RBFOX1: variants seen among roughly 807,000 people sequenced by gnomAD.
The protein encoded by RBFOX1 is RNA binding protein fox-1 homolog 1.
RBFOX1 carries 8 observed loss-of-function variants against 57.7 expected under a neutral mutation model. The observed-to-expected ratio is 0.14, with a 90% CI of 0.08 to 0.25. RBFOX1 has a LOEUF of 0.25. Ranked by LOEUF, RBFOX1 falls within the 10% of genes least tolerant of loss-of-function variation. RBFOX1 has a pLI of 1.00. For synonymous variants in RBFOX1, 326 were observed against 222.4 expected (o/e 1.47, Z -4.15); for missense variants, 611 against 548.5 (o/e 1.11, Z -1.14).
chr16:6,683,300 C>T (rs2058947052), intron 3 of RBFOX1, among the ~76,000 whole-genome samples: 1 of 152,048 alleles, frequency 6.6e-6, no homozygotes, highest in Non-Finnish European at 1.5e-5. Flanking sequence ...ACCCTTGAGA[C>T]CTTTAAATAC....
intron 2 of RBFOX1, among the ~76,000 whole-genome samples, chr16:5,496,737 G>C (rs1328777064): frequency 6.6e-6 from 1 of 152,138 alleles, no homozygotes; most frequent in Non-Finnish European, 1.5e-5. Flanking sequence ...CTTGGCTTTT[G>C]TTACATCTTT....
intron 4 of RBFOX1, among the ~76,000 whole-genome samples, chr16:7,234,064 C>G (rs530056108): frequency 1.3e-5 from 2 of 152,122 alleles, no homozygotes; most frequent in Non-Finnish European, 2.9e-5. Flanking sequence ...AGAGGGGTTG[C>G]ATGGAAATTA....
chr16:6,813,301 C>G (rs111601516), intron 3 of RBFOX1, among the ~76,000 whole-genome samples: 1 of 152,182 alleles, frequency 6.6e-6, no homozygotes, highest in Non-Finnish European at 1.5e-5. Flanking sequence ...TTCCATGAAA[C>G]AACCCTCTTC....
At position 6,977,938 on chromosome 16, in the gene RBFOX1, A is replaced by G. The variant is rs61288001; in HGVS notation, c.-15-74119A>G. Among the ~76,000 whole-genome samples the G allele has an allele frequency of 7.8e-3, 366 of 47,180 alleles. 5 individuals carry two copies. The highest frequency in any genetic ancestry group is 0.047 in the Admixed American group (287 of 6,092). 31.0% of individuals were successfully genotyped at this position (47,180 alleles called of 152,430 possible). ...ACTGCCTCTTCCAGCCTCCCCAGGG[A>G]AAAAAAAAAAAAAGGCAAACCTCCT... is the stretch of plus-strand genomic sequence containing the variant. On this transcript the variant is annotated intron_variant, in intron 3 of 15. Coordinates refer to ENST00000550418, the MANE Select transcript of RBFOX1 (RefSeq NM_018723.4).
intron 2 of RBFOX1, among the ~76,000 whole-genome samples, chr16:6,626,664 G>A (rs997968483): frequency 1.3e-5 from 2 of 152,148 alleles, no homozygotes; most frequent in Non-Finnish European, 2.9e-5. Flanking sequence ...GGAGGCTGAG[G>A]CAGGAGAATT....
intron 2 of RBFOX1, among the ~76,000 whole-genome samples, chr16:6,575,040 TTAAAA>T (rs2097408938): frequency 4.8e-5 from 1 of 20,634 alleles, no homozygotes; most frequent in South Asian, 7.8e-3. Flanking sequence ...TCCGTCTCAA[TTAAAA>T]AAAAAAAAAA....
chr16:5,468,428 A>G (rs377163637), intron 2 of RBFOX1, among the ~76,000 whole-genome samples: 3 of 152,154 alleles, frequency 2.0e-5, no homozygotes, highest in Non-Finnish European at 2.9e-5. Context: ...AGTTTTTCAC[A>G]TAAGTGGAAT....
At chr16:7,627,543 A>G (rs1036913139) in intron 10 of RBFOX1, among the ~76,000 whole-genome samples, 10 of 152,184 alleles carry the variant, frequency 6.6e-5, no homozygotes, top group African/African-American at 2.4e-4. Context: ...AAGGCTAGGG[A>G]CAGATAGAAG....
intron 3 of RBFOX1, among the ~76,000 whole-genome samples, chr16:7,026,133 C>G (rs553489371): frequency 1.3e-5 from 2 of 152,118 alleles, no homozygotes; most frequent in African/African-American, 4.8e-5. Context: ...AAATGGCAGC[C>G]AGAAGGCCTC....
At chr16:6,289,596 C>T (rs1346283832) in intron 1 of RBFOX1, among the ~76,000 whole-genome samples, 1 of 152,060 alleles carries the variant, frequency 6.6e-6, no homozygotes, top group Non-Finnish European at 1.5e-5. Flanking sequence ...GTCTTTCCGT[C>T]CTCTAGCTGT....
intron 1 of RBFOX1, among the ~76,000 whole-genome samples, chr16:6,273,340 GTTT>G (rs544640090): frequency 1.1e-5 from 1 of 89,882 alleles, no homozygotes; most frequent in African/African-American, 4.8e-5. Flanking sequence ...GTTGTTGTTG[GTTT>G]TTTTTTTTTT....
chr16:7,455,673 G>C (rs541587460), intron 4 of RBFOX1, among the ~76,000 whole-genome samples: 69 of 151,100 alleles, frequency 4.6e-4, no homozygotes, highest in African/African-American at 1.5e-3. Context: ...TGTAGTCCCA[G>C]CTACTCAGGA....
Position 6,611,014 on chromosome 16 carries a change from C to G in RBFOX1, c.-63-43589C>G, listed in dbSNP as rs188912634. ...GCTGGAGCACAGATATACTTAATAC[C>G]AAATTAGAAGAAAGTGTATGTTATT... On this transcript the variant is annotated intron_variant, in intron 2 of 15. Transcript: ENST00000550418. Among the ~76,000 whole-genome samples, 38 of 152,190 alleles carry G rather than the reference C, an allele frequency of 2.5e-4. No homozygotes were observed. The East Asian group carries it at 7.1e-3, about 29-fold the overall frequency.
intron 4 of RBFOX1, among the ~76,000 whole-genome samples, chr16:7,454,548 C>A (rs1408840170): frequency 6.6e-6 from 1 of 152,158 alleles, no homozygotes; most frequent in Non-Finnish European, 1.5e-5. Flanking sequence ...AAAGTGTAAA[C>A]TGAAGCCACC....
chr16:6,890,639 C>T (rs1401843582), intron 3 of RBFOX1, among the ~76,000 whole-genome samples: 1 of 152,184 alleles, frequency 6.6e-6, no homozygotes, highest in Non-Finnish European at 1.5e-5. Flanking sequence ...TTGTAACAGT[C>T]TTTCCTTCCT....
chr16:6,680,084 C>G (rs539907036), intron 3 of RBFOX1, among the ~76,000 whole-genome samples: 2 of 151,824 alleles, frequency 1.3e-5, no homozygotes, highest in East Asian at 3.9e-4. Flanking sequence ...AAGAGATTGG[C>G]AACTTGGAAC....
chr16:6,119,567 C>G (rs1247138332), intron 1 of RBFOX1, among the ~76,000 whole-genome samples: 1 of 152,170 alleles, frequency 6.6e-6, no homozygotes, highest in African/African-American at 2.4e-5. Context: ...CATTGGAACA[C>G]TTGTGTAAGG....
chr16:7,012,595 A>G (rs577514349), intron 3 of RBFOX1, among the ~76,000 whole-genome samples: 1 of 152,310 alleles, frequency 6.6e-6, no homozygotes, highest in South Asian at 2.1e-4. Flanking sequence ...AATGCTGCTA[A>G]CAAAACATTG....
At chr16:6,607,135 C>A (rs2097944276) in intron 2 of RBFOX1, among the ~76,000 whole-genome samples, 3 of 152,164 alleles carry the variant, frequency 2.0e-5, no homozygotes, top group African/African-American at 7.2e-5. Flanking sequence ...AGTCAGCACT[C>A]TGCATTTTAG....
Sources: gnomAD v4.1 joint callset for allele counts (sites outside exome capture counted in the v4.1 genomes callset) on GRCh38, gnomAD v4.1.1 for gene constraint, MANE v1.5 for transcripts, NCBI Gene and HGNC (gene_info 2026-07-23, HGNC 2026-07-21) for gene names.